Variants in HHIPL1 observed in about 807,000 individuals in gnomAD.
HHIPL1 encodes the protein HHIP-like protein 1.
HHIPL1 carries 43 observed loss-of-function variants against 61.8 expected under a neutral mutation model. The observed-to-expected ratio is 0.70, with a 90% CI of 0.55 to 0.90. The LOEUF (loss-of-function observed/expected upper bound fraction) is 0.90, where lower values mean the gene tolerates loss of function less well. Ranked by LOEUF, HHIPL1 falls within the 40% of genes least tolerant of loss-of-function variation. The pLI, the probability that HHIPL1 is intolerant of heterozygous loss-of-function variation, is 0.00. For missense variants in HHIPL1, 1,056 were observed against 1,157.7 expected (o/e 0.91, Z 1.28); for synonymous variants, 482 against 515.8 (o/e 0.93, Z 0.89).
chr14:99,669,551 C>T lies in HHIPL1; in HGVS notation c.1730+1248C>T, dbSNP rs1419214264. ...AGATGGGAGGAGTTCAAGTCCAGCCCGGGCAACACAGGGAGAACTTGTCTC... is the reference window on the plus strand; with the variant it reads ...AGATGGGAGGAGTTCAAGTCCAGCCTGGGCAACACAGGGAGAACTTGTCTC... On this transcript the variant is annotated intron_variant, in intron 7 of 8. Coordinates refer to ENST00000330710, the MANE Select transcript of HHIPL1 (RefSeq NM_001127258.3). 2.6e-5 allele frequency among the ~76,000 whole-genome samples: 4 copies of T among 152,162 alleles called. No individual in the cohort carries two copies. In the East Asian group the frequency reaches 5.8e-4, roughly 22 times the overall value.
chr14:99,666,366 G>A (rs1042412804), intron 6 of HHIPL1, among the ~76,000 whole-genome samples: 4 of 152,214 alleles, frequency 2.6e-5, no homozygotes, highest in Middle Eastern at 3.2e-3. Context: ...GGGCGGGCTT[G>A]GCAGCATCCG....
In HHIPL1 at chr14:99,679,910, A is replaced by C. The variant is rs1031466819; in HGVS notation, c.*4284A>C. 1 of 152,274 alleles carries C rather than the reference A, an allele frequency of 6.6e-6. No homozygotes were observed. The highest frequency in any genetic ancestry group is 2.4e-5 in the African/African-American group (1 of 41,452). 9.4% of individuals were successfully genotyped at this position (152,274 alleles called of 1,614,324 possible). On this transcript the variant is annotated 3_prime_UTR_variant, in exon 9 of 9. Transcript: ENST00000330710. ...TCCTTCAGCCTAACATGTAGAACTC[A>C]AGTCTTCTTGTCGCGCTTCTGTCCC...
intron 2 of HHIPL1, among the ~76,000 whole-genome samples, chr14:99,655,660 A>G (rs2056016509): frequency 6.6e-6 from 1 of 152,176 alleles, no homozygotes; most frequent in Admixed American, 6.5e-5. Context: ...TTGAGAAATC[A>G]GTGACCGATC....
At chr14:99,636,374 G>A in the HHIPL1 span, among the ~76,000 whole-genome samples, 4 of 152,226 alleles carry the variant, frequency 2.6e-5, no homozygotes, top group Non-Finnish European at 5.9e-5. Flanking sequence ...GCTGACATGA[G>A]GCCCGCATGA....
chr14:99,638,888 C>G, the HHIPL1 span, among the ~76,000 whole-genome samples: 9 of 152,268 alleles, frequency 5.9e-5, no homozygotes, highest in African/African-American at 2.2e-4. Flanking sequence ...GCCACACAAG[C>G]ACCTCTGGCT....
chr14:99,669,960 C>T (rs1222603171), intron 7 of HHIPL1, among the ~76,000 whole-genome samples: 1 of 152,154 alleles, frequency 6.6e-6, no homozygotes, highest in Non-Finnish European at 1.5e-5. Context: ...TTCAGATTTA[C>T]AGATAAGTTG....
At position 99,668,635 on chromosome 14, in the gene HHIPL1, C is replaced by T. The variant is rs1024702192; in HGVS notation, c.1730+332C>T. Among the ~76,000 whole-genome samples the T allele has an allele frequency of 3.9e-5, 6 of 152,148 alleles. No individual in the cohort carries two copies. Among genetic ancestry groups the T allele is most frequent in the Admixed American group, 1.3e-4 (2 of 15,284 alleles). ...TCTTCCTCCTGTCTAGCAGGCCCCTCATTCCTCATTTCCTGGGCTGCCCCT... is the reference window on the plus strand; with the variant it reads ...TCTTCCTCCTGTCTAGCAGGCCCCTTATTCCTCATTTCCTGGGCTGCCCCT... On this transcript the variant is annotated intron_variant, in intron 7 of 8. Coordinates refer to ENST00000330710, the MANE Select transcript of HHIPL1 (RefSeq NM_001127258.3). The surrounding 1 kb of genome is among the most constrained non-coding windows in gnomAD (Gnocchi z 4.7).
chr14:99,659,656 C>CGAGGAGGTG lies in HHIPL1; in HGVS notation c.1278_1286dup (p.Glu426_Val428dup). 1 of 1,547,354 alleles carries CGAGGAGGTG rather than the reference C, an allele frequency of 6.5e-7. No homozygotes were observed. The highest frequency in any genetic ancestry group is 8.7e-7 in the Non-Finnish European group (1 of 1,151,026). Reference sequence around the variant, plus strand: ...GCGGCGACGTGGGCCAGAACAAGTTCGAGGAGGTGGACGTGGTGGAGCGCG... The same window carrying CGAGGAGGTG: ...GCGGCGACGTGGGCCAGAACAAGTTCGAGGAGGTGGAGGAGGTGGACGTGGTGGAGCGCG... On this transcript the variant is annotated inframe_insertion, in exon 4 of 9. Transcript: ENST00000330710.
At chr14:99,638,893 C>G in the HHIPL1 span, among the ~76,000 whole-genome samples, 1 of 152,388 alleles carries the variant, frequency 6.6e-6, no homozygotes, top group South Asian at 2.1e-4. Flanking sequence ...ACAAGCACCT[C>G]TGGCTCCAGA....
At chr14:99,654,667 A>T (rs1318894418) in intron 2 of HHIPL1, among the ~76,000 whole-genome samples, 1 of 152,242 alleles carries the variant, frequency 6.6e-6, no homozygotes. Flanking sequence ...CACCGAATGT[A>T]TAAAAAGGAG....
At chr14:99,638,549 G>A in the HHIPL1 span, among the ~76,000 whole-genome samples, 8 of 152,260 alleles carry the variant, frequency 5.3e-5, no homozygotes, top group South Asian at 2.1e-4. Flanking sequence ...TCCTGGAAAC[G>A]TGGGCAATGC....
In HHIPL1 at chr14:99,652,441, T is replaced by C. The variant is rs1410982898; in HGVS notation, c.473T>C (p.Phe158Ser). ...YLSLDDTDYCFPYLLVNKNLN... is the reference protein window; with the variant it reads ...YLSLDDTDYCSPYLLVNKNLN... The stretch of plus-strand genomic sequence containing the variant: ...TCCCTGGATGACACGGACTACTGCT[T>C]CCCTTACCTGCTGGTCAACAAGAAC... Residue 158 changes from phenylalanine (F) to serine (S), a missense_variant, in exon 2 of 9, where the codon TTC (phenylalanine) becomes TCC (serine). Phe to Ser is a radical substitution (Grantham distance 155). Coordinates refer to ENST00000330710, the MANE Select transcript of HHIPL1 (RefSeq NM_001127258.3). 1.2e-6 allele frequency: 2 copies of C among 1,614,106 alleles called. No homozygotes were observed. Among genetic ancestry groups the C allele is most frequent in the Admixed American group, 3.3e-5 (2 of 60,012 alleles).
At chr14:99,653,784 C>A (rs2055980189) in intron 2 of HHIPL1, among the ~76,000 whole-genome samples, 1 of 152,192 alleles carries the variant, frequency 6.6e-6, no homozygotes, top group Non-Finnish European at 1.5e-5. Context: ...TCTGACCTGA[C>A]CTTGCACGTG....
intron 7 of HHIPL1, chr14:99,669,297 A>AT (rs1333695021): frequency 1.9e-6 from 2 of 1,027,958 alleles, no homozygotes; most frequent in African/African-American, 3.4e-5. Context: ...CAGCCCTTAG[A>AT]TTTTCGCTTC....
chr14:99,657,880 T>C (rs1295010115), intron 3 of HHIPL1, among the ~76,000 whole-genome samples: 2 of 150,622 alleles, frequency 1.3e-5, no homozygotes, highest in African/African-American at 4.9e-5. Context: ...TACACACACA[T>C]CCACACACAT....
At chr14:99,663,476 T>G (rs1162307985) in intron 6 of HHIPL1, among the ~76,000 whole-genome samples, 1 of 152,156 alleles carries the variant, frequency 6.6e-6, no homozygotes, top group Non-Finnish European at 1.5e-5. Context: ...AGTGTAGCAG[T>G]GAGGACGACC....
At chr14:99,673,119 C>G (rs1249284059) in intron 8 of HHIPL1, among the ~76,000 whole-genome samples, 2 of 152,048 alleles carry the variant, frequency 1.3e-5, no homozygotes, top group Non-Finnish European at 1.5e-5. Flanking sequence ...TTCAGCAGGC[C>G]AAGTGGGCTC....
At chr14:99,636,576 G>A in the HHIPL1 span, among the ~76,000 whole-genome samples, 1 of 152,122 alleles carries the variant, frequency 6.6e-6, no homozygotes, top group African/African-American at 2.4e-5. Context: ...ATCTACAGAC[G>A]GTGGCACTGC....
At chr14:99,631,456 C>T in the HHIPL1 span, among the ~76,000 whole-genome samples, 3 of 151,462 alleles carry the variant, frequency 2.0e-5, no homozygotes, top group South Asian at 2.1e-4. Flanking sequence ...CAGTTCAGCC[C>T]GTAACTGATC....
Sources: allele counts gnomAD v4.1 joint callset (sites outside exome capture counted in the v4.1 genomes callset), GRCh38; gene constraint gnomAD v4.1.1; non-coding constraint Gnocchi (gnomAD v3.1); transcripts MANE v1.5; gene names NCBI Gene and HGNC (gene_info 2026-07-23, HGNC 2026-07-21).